Variants in TAFA4 observed in about 807,000 individuals in gnomAD.
TAFA4 encodes TAFA chemokine like family member 4, also known as chemokine-like protein TAFA-4.
Under a neutral mutation model 21.1 loss-of-function variants are expected in TAFA4, and 20 were observed. That is an observed-to-expected ratio of 0.95 (90% CI 0.67 to 1.38). The LOEUF (loss-of-function observed/expected upper bound fraction) is 1.38, where lower values mean the gene tolerates loss of function less well. Ranked by LOEUF, TAFA4 falls within the 40% of genes most tolerant of loss-of-function variation. The probability of loss-of-function intolerance (pLI) is 0.00; values close to 1 mark genes in which losing one functional copy is unlikely to be tolerated. For synonymous variants in TAFA4, 71 were observed against 67.4 expected, an observed-to-expected ratio of 1.05 and a Z score of -0.26; for missense variants, 211 against 180.9, an observed-to-expected ratio of 1.17 and a Z score of -0.95.
intron 3 of TAFA4, among the ~76,000 whole-genome samples, chr3:68,821,426 A>G (rs1317553978): frequency 1.7e-4 from 3 of 17,252 alleles, no homozygotes; most frequent in African/African-American, 5.9e-4. Flanking sequence ...GGCTCACTGC[A>G]GGCTCCACCC....
chr3:68,842,405 G>A (rs1292255993), intron 3 of TAFA4, among the ~76,000 whole-genome samples: 1 of 152,080 alleles, frequency 6.6e-6, no homozygotes, highest in African/African-American at 2.4e-5. Flanking sequence ...TTTTATTCTT[G>A]TAAATTTGTT....
chr3:68,755,703 T>G (rs1702648201), intron 3 of TAFA4, among the ~76,000 whole-genome samples: 1 of 152,210 alleles, frequency 6.6e-6, no homozygotes, highest in East Asian at 1.9e-4. Context: ...AACCCTGGCA[T>G]GAGCAGCCCT....
chr3:68,875,336 G>A (rs2089534290), intron 3 of TAFA4, among the ~76,000 whole-genome samples: 1 of 151,546 alleles, frequency 6.6e-6, no homozygotes, highest in Non-Finnish European at 1.5e-5. Context: ...ACTCTACTTT[G>A]TAAGGTTCAG....
intron 3 of TAFA4, among the ~76,000 whole-genome samples, chr3:68,799,560 A>C (rs1251756390): frequency 1.3e-5 from 2 of 152,192 alleles, no homozygotes; most frequent in African/African-American, 4.8e-5. Context: ...AAGGAGCCAA[A>C]AATGGGGAAG....
intron 3 of TAFA4, among the ~76,000 whole-genome samples, chr3:68,865,556 C>T (rs781345319): frequency 1.3e-5 from 2 of 152,120 alleles, no homozygotes; most frequent in Non-Finnish European, 2.9e-5. Flanking sequence ...TTGCCTTCTG[C>T]CATGATTGTG....
chr3:68,878,222 T>C (rs2089575553), intron 3 of TAFA4, among the ~76,000 whole-genome samples: 1 of 152,216 alleles, frequency 6.6e-6, no homozygotes, highest in African/African-American at 2.4e-5. Context: ...TCTAGGGAAA[T>C]GGAACTATTA....
chr3:68,786,965 TAA>T (rs776598743), intron 3 of TAFA4, among the ~76,000 whole-genome samples: 10 of 151,892 alleles, frequency 6.6e-5, no homozygotes, highest in African/African-American at 1.7e-4. Flanking sequence ...GGAGAAAAAA[TAA>T]AAAGAGTCAG....
At chr3:68,896,511 T>G (rs772516973) in intron 1 of TAFA4, among the ~76,000 whole-genome samples, 4 of 152,296 alleles carry the variant, frequency 2.6e-5, no homozygotes, top group Non-Finnish European at 5.9e-5. Context: ...GTGAGCAAAA[T>G]GTTATTACCA....
At chr3:68,748,686 G>A (rs1174042092) in intron 4 of TAFA4, among the ~76,000 whole-genome samples, 5 of 151,592 alleles carry the variant, frequency 3.3e-5, no homozygotes, top group East Asian at 1.9e-4. Context: ...AGAGGTTGCC[G>A]TGAGCAGAGA....
intron 3 of TAFA4, among the ~76,000 whole-genome samples, chr3:68,831,735 T>C (rs9880237): frequency 0.45 from 68,550 of 152,010 alleles, 16,089 homozygotes; most frequent in African/African-American, 0.54. Context: ...GCCTGTCTTG[T>C]TAGGTTGGGG....
rs561780346 is a variant in TAFA4 at position 68,849,197 on chromosome 3, T to C, written c.130+31533A>G. ...AAACTCTTTTTGTCCAGTAGATTGA[T>C]GTAAAAGGTGGTAATTCATTGTGCC... On this transcript the variant is annotated intron_variant, in intron 3 of 5. Transcript: ENST00000295569. Among the ~76,000 whole-genome samples the C allele has an allele frequency of 5.4e-4, 82 of 152,340 alleles. 1 individual carries two copies. The highest frequency in any genetic ancestry group is 1.4e-3 in the South Asian group (7 of 4,832).
At chr3:68,835,550 G>C (rs768026447) in intron 3 of TAFA4, among the ~76,000 whole-genome samples, 9 of 152,214 alleles carry the variant, frequency 5.9e-5, no homozygotes, top group Non-Finnish European at 7.3e-5. Context: ...GTAAAGTTAT[G>C]ATTTCTCCAT....
chr3:68,842,845 G>A (rs1024369557), intron 3 of TAFA4, among the ~76,000 whole-genome samples: 2 of 151,644 alleles, frequency 1.3e-5, no homozygotes, highest in East Asian at 3.9e-4. Flanking sequence ...TCAAAGATCA[G>A]AGGGTTTGGC....
chr3:68,739,746 A>T (rs1284100467), intron 4 of TAFA4, among the ~76,000 whole-genome samples: 1 of 152,232 alleles, frequency 6.6e-6, no homozygotes, highest in Non-Finnish European at 1.5e-5. Context: ...ACTGGAGATC[A>T]TTATCTTAAG....
intron 1 of TAFA4, among the ~76,000 whole-genome samples, chr3:68,923,077 T>G (rs1351575290): frequency 6.6e-6 from 1 of 152,138 alleles, no homozygotes; most frequent in Non-Finnish European, 1.5e-5. Flanking sequence ...GGCCCAGCTC[T>G]CCCACTCCCC....
intron 3 of TAFA4, among the ~76,000 whole-genome samples, chr3:68,873,377 C>CACACACACACACACACACACACACACA (rs55674760): frequency 2.1e-5 from 3 of 142,422 alleles, no homozygotes; most frequent in South Asian, 2.7e-4. Flanking sequence ...CACACACACA[C>CACACACACACACACACACACACACACA]CCTGGGCCAG....
intron 1 of TAFA4, among the ~76,000 whole-genome samples, chr3:68,914,022 A>G (rs907617917): frequency 5.9e-5 from 9 of 152,194 alleles, no homozygotes; most frequent in Admixed American, 5.9e-4. Flanking sequence ...CAACAGTCTG[A>G]AAAAAACAAG....
At chr3:68,852,333 G>A (rs1308379334) in intron 3 of TAFA4, among the ~76,000 whole-genome samples, 1 of 152,130 alleles carries the variant, frequency 6.6e-6, no homozygotes, top group East Asian at 1.9e-4. Context: ...TCTGGGGCTT[G>A]CATTCCCAGA....
chr3:68,754,678 A>G (rs1702625558), intron 3 of TAFA4, among the ~76,000 whole-genome samples: 1 of 152,188 alleles, frequency 6.6e-6, no homozygotes, highest in Non-Finnish European at 1.5e-5. Context: ...GAGATATATT[A>G]GTGAGACTAT....
Sources: gnomAD v4.1 joint callset for allele counts (sites outside exome capture counted in the v4.1 genomes callset) on GRCh38, gnomAD v4.1.1 for gene constraint, MANE v1.5 for transcripts, NCBI Gene and HGNC (gene_info 2026-07-23, HGNC 2026-07-21) for gene names.